Variants in SLFN12L observed in about 807,000 individuals in gnomAD.
SLFN12L encodes the protein schlafen family member 12-like.
SLFN12L carries 34 observed loss-of-function variants against 34.8 expected under a neutral mutation model. That is an observed-to-expected ratio of 0.98 (90% CI 0.74 to 1.30). SLFN12L has a LOEUF of 1.30. Ranked by LOEUF, SLFN12L falls within the 50% of genes most tolerant of loss-of-function variation. SLFN12L has a pLI of 0.00. For synonymous variants in SLFN12L, 259 were observed against 247.5 expected, an observed-to-expected ratio of 1.05 and a Z score of -0.44; for missense variants, 703 against 696.2, an observed-to-expected ratio of 1.01 and a Z score of -0.11.
chr17:35,477,203 T>C (rs1567643464), intron 4 of SLFN12L, among the ~76,000 whole-genome samples: 1 of 152,216 alleles, frequency 6.6e-6, no homozygotes, highest in Non-Finnish European at 1.5e-5. Flanking sequence ...TTTCAGTAAC[T>C]GGATCTAGGA....
At chr17:35,501,577 G>C (rs1382546567) in intron 2 of SLFN12L, among the ~76,000 whole-genome samples, 2 of 152,162 alleles carry the variant, frequency 1.3e-5, no homozygotes, top group Non-Finnish European at 2.9e-5. Context: ...TTTGTTTTGT[G>C]GTGTGCATGA....
At position 35,469,281 on chromosome 17, in the gene SLFN12L, T is replaced by TTATATAAAATATATA. The variant is rs1404930570; in HGVS notation, c.*5627_*5641dup. Among the ~76,000 whole-genome samples the TTATATAAAATATATA allele has an allele frequency of 1.4e-5, 2 of 142,572 alleles. No individual in the cohort carries two copies. The highest frequency in any genetic ancestry group is 3.0e-5 in the Non-Finnish European group (2 of 65,994). The allele number at this position is 142,572 out of a possible 152,430, so 93.5% of individuals were successfully genotyped here. On this transcript the variant is annotated 3_prime_UTR_variant, in exon 5 of 5. Coordinates refer to ENST00000628453, the MANE Select transcript of SLFN12L (RefSeq NM_001363830.2). ...CAACAACCTGACTGCAGGACCTGTT[T>TTATATAAAATATATA]TATATAAAATATATATATATAAAAT...
rs1418479552 is a variant in SLFN12L at position 35,471,283 on chromosome 17, C to T, written c.*3640G>A. On this transcript the variant is annotated 3_prime_UTR_variant, in exon 5 of 5. Coordinates refer to ENST00000628453, the MANE Select transcript of SLFN12L (RefSeq NM_001363830.2). ...TCCCAAGTAGCTGGGATTACAGACG[C>T]CTACCACCACTCCCAGCTAATTCTT... 6.6e-6 allele frequency among the ~76,000 whole-genome samples: 1 copy of T among 151,926 alleles called. No homozygotes were observed. The highest frequency in any genetic ancestry group is 1.5e-5 in the Non-Finnish European group (1 of 67,968).
chr17:35,501,975 G>A (rs1031827987), intron 2 of SLFN12L, among the ~76,000 whole-genome samples: 5 of 152,050 alleles, frequency 3.3e-5, no homozygotes, highest in South Asian at 4.2e-4. Context: ...GAGACAGAGA[G>A]ACAAAGAGGG....
chr17:35,478,737 G>C (rs1254146164), intron 3 of SLFN12L, among the ~76,000 whole-genome samples: 1 of 152,174 alleles, frequency 6.6e-6, no homozygotes, highest in African/African-American at 2.4e-5. Context: ...AGTGGGTAAA[G>C]AAAGATGAAA....
chr17:35,527,383 C>A (rs1352671720), intron 1 of SLFN12L, among the ~76,000 whole-genome samples: 1 of 151,994 alleles, frequency 6.6e-6, no homozygotes, highest in Non-Finnish European at 1.5e-5. Context: ...ATCCTGATAC[C>A]AAAACCTGGT....
chr17:35,527,007 T>TA lies in SLFN12L; in HGVS notation c.-605-4039dup, dbSNP rs562533957. On this transcript the variant is annotated intron_variant, in intron 1 of 4. Coordinates refer to ENST00000628453, the MANE Select transcript of SLFN12L (RefSeq NM_001363830.2). ...AGAGAGAAGAATCAAATAGATGCAA[T>TA]AAAAAAATCATAAAGGGGATATCAC... 4.5e-3 allele frequency among the ~76,000 whole-genome samples: 666 copies of TA among 148,646 alleles called. 9 individuals carry two copies. The highest frequency in any genetic ancestry group is 0.016 in the African/African-American group (642 of 40,394).
chr17:35,466,968 C>G lies in SLFN12L; in HGVS notation c.*7955G>C, dbSNP rs2142116568. On this transcript the variant is annotated 3_prime_UTR_variant, in exon 5 of 5. Coordinates refer to ENST00000628453, the MANE Select transcript of SLFN12L (RefSeq NM_001363830.2). ...CCTGTTATGCTTTCAGTCATGGAAA[C>G]AGCACCCTGCAAGCTCAGCCTCTCA... Among the ~76,000 whole-genome samples the G allele has an allele frequency of 6.6e-6, 1 of 152,290 alleles. No individual in the cohort carries two copies. The highest frequency in any genetic ancestry group is 6.5e-5 in the Admixed American group (1 of 15,298).
At chr17:35,485,446 T>C (rs535345950) in intron 2 of SLFN12L, among the ~76,000 whole-genome samples, 4 of 152,366 alleles carry the variant, frequency 2.6e-5, no homozygotes, top group Admixed American at 6.5e-5. Context: ...ATGCATGACT[T>C]GCAAACATTT....
intron 2 of SLFN12L, among the ~76,000 whole-genome samples, chr17:35,492,418 C>T (rs1180419653): frequency 4.6e-5 from 7 of 152,164 alleles, no homozygotes; most frequent in Non-Finnish European, 7.3e-5. Context: ...TCTCTTATAC[C>T]ACACTCAAGG....
chr17:35,501,993 AAG>A lies in SLFN12L; in HGVS notation c.86+20284_86+20285del, dbSNP rs199824573. On this transcript the variant is annotated intron_variant, in intron 2 of 4. Coordinates refer to ENST00000628453, the MANE Select transcript of SLFN12L (RefSeq NM_001363830.2). The stretch of plus-strand genomic sequence containing the variant: ...ACAGAGAGACAAAGAGGGAGTCAAG[AAG>A]AGAGAGAGAGAAAGAGAAGCAGAGA... Among the ~76,000 whole-genome samples the A allele has an allele frequency of 2.6e-5, 4 of 151,866 alleles. No individual in the cohort carries two copies. In the East Asian group the frequency reaches 5.8e-4, roughly 22 times the overall value.
chr17:35,477,041 A>C (rs1003802001), intron 4 of SLFN12L, among the ~76,000 whole-genome samples: 3 of 152,240 alleles, frequency 2.0e-5, no homozygotes, highest in African/African-American at 7.2e-5. Flanking sequence ...AGGTGAAAAG[A>C]TGAAGATGTC....
At chr17:35,492,344 G>A (rs760142782) in intron 2 of SLFN12L, among the ~76,000 whole-genome samples, 3 of 152,198 alleles carry the variant, frequency 2.0e-5, no homozygotes, top group Admixed American at 2.0e-4. Flanking sequence ...TTAGCCCCAA[G>A]GAGCAGCAGG....
At chr17:35,527,671 C>G (rs139940726) in intron 1 of SLFN12L, among the ~76,000 whole-genome samples, 55 of 152,204 alleles carry the variant, frequency 3.6e-4, no homozygotes, top group African/African-American at 1.3e-3. Flanking sequence ...GCTAAAAATT[C>G]TCAATAAACT....
rs1320025094 is a variant in SLFN12L, at chr17:35,469,544, T to C, written c.*5379A>G. Reference sequence around the variant, plus strand: ...TTACAATAAAATATTTTCTAGGCTATTTAGGGCAACTGTACCCCATCCTTT... The same window carrying C: ...TTACAATAAAATATTTTCTAGGCTACTTAGGGCAACTGTACCCCATCCTTT... On this transcript the variant is annotated 3_prime_UTR_variant, in exon 5 of 5. Transcript: ENST00000628453. Among the ~76,000 whole-genome samples, 1 of 151,834 alleles carries C rather than the reference T, an allele frequency of 6.6e-6. No individual in the cohort carries two copies. Among genetic ancestry groups the C allele is most frequent in the Non-Finnish European group, 1.5e-5 (1 of 67,986 alleles).
At chr17:35,534,630 G>A (rs1336573803) in intron 1 of SLFN12L, among the ~76,000 whole-genome samples, 1 of 151,272 alleles carries the variant, frequency 6.6e-6, no homozygotes, top group Non-Finnish European at 1.5e-5. Context: ...GAGGGACCTG[G>A]CAATTGATGG....
chr17:35,501,867 T>C lies in SLFN12L; in HGVS notation c.86+20412A>G, dbSNP rs1240619013. On this transcript the variant is annotated intron_variant, in intron 2 of 4. Coordinates refer to ENST00000628453, the MANE Select transcript of SLFN12L (RefSeq NM_001363830.2). ...CAGTTCCCATACATAGACACTTGGT[T>C]ACAGCTGGTTTTAGACCACCCCCCA... is the stretch of plus-strand genomic sequence containing the variant. 3.3e-5 allele frequency among the ~76,000 whole-genome samples: 5 copies of C among 152,100 alleles called. No homozygotes were observed. In the East Asian group the frequency reaches 7.7e-4, roughly 23 times the overall value.
intron 2 of SLFN12L, among the ~76,000 whole-genome samples, chr17:35,520,311 C>T (rs908559463): frequency 4.6e-5 from 7 of 152,248 alleles, no homozygotes; most frequent in Non-Finnish European, 7.3e-5. Context: ...AGACCACCAA[C>T]CATGGACTGC....
At chr17:35,493,462 T>G (rs1914922957) in intron 2 of SLFN12L, among the ~76,000 whole-genome samples, 2 of 152,236 alleles carry the variant, frequency 1.3e-5, no homozygotes, top group South Asian at 2.1e-4. Flanking sequence ...GGCTAGATTG[T>G]TGTGTGTTTT....
Sources: allele counts gnomAD v4.1 joint callset (sites outside exome capture counted in the v4.1 genomes callset), GRCh38; gene constraint gnomAD v4.1.1; transcripts MANE v1.5; gene names NCBI Gene and HGNC (gene_info 2026-07-23, HGNC 2026-07-21).